The following GSTCD variants were observed in gnomAD, a reference collection of about 807,000 sequenced individuals.
The protein encoded by GSTCD is glutathione S-transferase C-terminal domain-containing protein.
A neutral mutation model predicts 68.3 loss-of-function variants in GSTCD; 44 were observed. The ratio of observed to expected loss-of-function variants is 0.64; its 90% CI spans 0.51 to 0.83. The LOEUF is 0.83. GSTCD is among the 40% of genes least tolerant of loss of function. The pLI, the probability that GSTCD is intolerant of heterozygous loss-of-function variation, is 0.00. For synonymous variants in GSTCD, 273 were observed against 255.2 expected (o/e 1.07, Z -0.67); for missense variants, 739 against 735.9 (o/e 1.00, Z -0.05).
At chr4:105,781,085 T>C (rs1389684915) in intron 5 of GSTCD, among the ~76,000 whole-genome samples, 1 of 152,206 alleles carries the variant, frequency 6.6e-6, no homozygotes. Context: ...AGTAAAATAA[T>C]GTATAAAATA....
chr4:105,837,333 G>A (rs545724983), intron 9 of GSTCD, among the ~76,000 whole-genome samples: 1 of 152,068 alleles, frequency 6.6e-6, no homozygotes, highest in African/African-American at 2.4e-5. Context: ...AAGTAGGAAC[G>A]GCCCTATGCC....
rs1175339839 is a variant in GSTCD at position 105,728,689 on chromosome 4, A to ATC, written c.1147-716_1147-715insCT. 7.0e-3 allele frequency among the ~76,000 whole-genome samples: 1,051 copies of ATC among 151,056 alleles called. 15 individuals carry two copies. The highest frequency in any genetic ancestry group is 0.023 in the African/African-American group (962 of 41,344). On this transcript the variant is annotated intron_variant, in intron 4 of 11. Coordinates refer to ENST00000515279, the MANE Select transcript of GSTCD (RefSeq NM_001370181.1). ...GATATCTAGATATAGATATATAGATATAGATATAGATATAGATATAGATAT... is the reference window on the plus strand; with the variant it reads ...GATATCTAGATATAGATATATAGATATCTAGATATAGATATAGATATAGATAT...
chr4:105,763,898 A>G (rs1316335613), intron 5 of GSTCD, among the ~76,000 whole-genome samples: 1 of 152,160 alleles, frequency 6.6e-6, no homozygotes, highest in Non-Finnish European at 1.5e-5. Flanking sequence ...TAACCCATCA[A>G]TTTGAAGGGT....
At chr4:105,751,425 C>G (rs1423244330) in intron 5 of GSTCD, among the ~76,000 whole-genome samples, 1 of 152,100 alleles carries the variant, frequency 6.6e-6, no homozygotes, top group Non-Finnish European at 1.5e-5. Context: ...GCTGCAAAGA[C>G]ATCTGAATAT....
intron 5 of GSTCD, chr4:105,760,913 G>T (rs1734381213): frequency 3.5e-6 from 1 of 286,322 alleles, no homozygotes; most frequent in Admixed American, 5.1e-5. Flanking sequence ...GTTTTCTTTT[G>T]ATATCAAAAC....
intron 3 of GSTCD, among the ~76,000 whole-genome samples, chr4:105,721,913 G>C (rs974884296): frequency 5.1e-4 from 78 of 152,148 alleles, no homozygotes; most frequent in Middle Eastern, 3.4e-3. Flanking sequence ...AGTAGATAGC[G>C]TATCAACATT....
At chr4:105,817,305 A>G (rs1056915062) in intron 5 of GSTCD, among the ~76,000 whole-genome samples, 4 of 151,898 alleles carry the variant, frequency 2.6e-5, no homozygotes, top group African/African-American at 9.7e-5. Context: ...TTATTCCTCA[A>G]TTTGGAAGTA....
At chr4:105,775,599 A>T (rs72673803) in intron 5 of GSTCD, among the ~76,000 whole-genome samples, 6 of 152,176 alleles carry the variant, frequency 3.9e-5, no homozygotes, top group African/African-American at 1.4e-4. Flanking sequence ...TCTAACACTC[A>T]GTCCCGTCTG....
At chr4:105,713,532 A>G (rs1273647699) in intron 1 of GSTCD, among the ~76,000 whole-genome samples, 2 of 152,310 alleles carry the variant, frequency 1.3e-5, no homozygotes, top group East Asian at 3.9e-4. Flanking sequence ...ATGTCTCTAA[A>G]TAAGATCTTT....
chr4:105,730,981 T>C (rs1361079266), intron 5 of GSTCD, among the ~76,000 whole-genome samples: 2 of 152,106 alleles, frequency 1.3e-5, no homozygotes, highest in African/African-American at 2.4e-5. Context: ...TTTCCCAGCA[T>C]CATTTATTAA....
At chr4:105,736,617 A>G (rs1733471904) in intron 5 of GSTCD, among the ~76,000 whole-genome samples, 1 of 152,148 alleles carries the variant, frequency 6.6e-6, no homozygotes, top group Non-Finnish European at 1.5e-5. Flanking sequence ...AACAGTCAAA[A>G]TCTGCTCTTC....
intron 4 of GSTCD, 22 bp from the exon 5 acceptor site, chr4:105,729,384 A>G: frequency 6.8e-7 from 1 of 1,466,878 alleles, no homozygotes. Flanking sequence ...TTAATTTAGA[A>G]AGAGGCTATT....
chr4:105,754,001 G>A (rs1443434849), intron 5 of GSTCD, among the ~76,000 whole-genome samples: 1 of 151,862 alleles, frequency 6.6e-6, no homozygotes, highest in African/African-American at 2.4e-5. Flanking sequence ...ATAGGAGTTG[G>A]AGGGAAAACT....
In GSTCD at chr4:105,784,307, G is replaced by A. The variant is rs768960413; in HGVS notation, c.1241-38647G>A. On this transcript the variant is annotated intron_variant, in intron 5 of 11. Transcript: ENST00000515279. ...GAGCATGGCACTAGCATCTGGTGAG[G>A]GTCATCCCATGGCAGAATGTGGAAG... is the stretch of plus-strand genomic sequence containing the variant. 4.9e-4 allele frequency among the ~76,000 whole-genome samples: 75 copies of A among 152,140 alleles called. 1 individual carries two copies. Among genetic ancestry groups the A allele is most frequent in the Middle Eastern group, 3.2e-3 (1 of 316 alleles).
rs988909620 is a variant in GSTCD at position 105,847,502 on chromosome 4, G to A, written c.*1925G>A. ...TTTAAGTATTCATTTGAGATGTTTT[G>A]ACAACTGTATATATACATGTAACCA... On this transcript the variant is annotated 3_prime_UTR_variant, in exon 12 of 12. Transcript: ENST00000515279. 6.6e-6 allele frequency: 1 copy of A among 151,916 alleles called. No individual in the cohort carries two copies. Among genetic ancestry groups the A allele is most frequent in the Non-Finnish European group, 1.5e-5 (1 of 67,972 alleles). The allele number at this position is 151,916 out of a possible 1,614,324, so 9.4% of individuals were successfully genotyped here. A position where few individuals can be genotyped will look rare whatever the true frequency, so the allele number is the denominator to read the frequency against.
At position 105,846,827 on chromosome 4, in the gene GSTCD, G is replaced by A. The variant is rs890384904; in HGVS notation, c.*1250G>A. Reference sequence around the variant, plus strand: ...CCTGCCACCATGCCCGGCTAATTTTGTTTGTAATTTTAGTAGAGATGGGGT... The same window carrying A: ...CCTGCCACCATGCCCGGCTAATTTTATTTGTAATTTTAGTAGAGATGGGGT... On this transcript the variant is annotated 3_prime_UTR_variant, in exon 12 of 12. Coordinates refer to ENST00000515279, the MANE Select transcript of GSTCD (RefSeq NM_001370181.1). 7 of 151,594 alleles carry A rather than the reference G, an allele frequency of 4.6e-5. No homozygotes were observed. The highest frequency in any genetic ancestry group is 3.3e-4 in the Admixed American group (5 of 15,220). 9.4% of individuals were successfully genotyped at this position (151,594 alleles called of 1,614,324 possible).
intron 4 of GSTCD, among the ~76,000 whole-genome samples, chr4:105,727,180 T>C (rs1733069311): frequency 1.3e-5 from 2 of 151,890 alleles, no homozygotes; most frequent in South Asian, 4.2e-4. Context: ...TTTTCTGTTG[T>C]AAAGTTTTGG....
chr4:105,726,545 A>G (rs750786251), intron 3 of GSTCD, 34 bp from the exon 4 acceptor site: 3 of 1,367,604 alleles, frequency 2.2e-6, no homozygotes, highest in Admixed American at 4.8e-5. Flanking sequence ...AACAAAATAT[A>G]TATAATAATG....
At chr4:105,731,636 AT>A (rs1011606140) in intron 5 of GSTCD, among the ~76,000 whole-genome samples, 1 of 152,196 alleles carries the variant, frequency 6.6e-6, no homozygotes, top group African/African-American at 2.4e-5. Flanking sequence ...GCCAGAGACA[AT>A]GGGGTTTTCT....
Sources: allele counts gnomAD v4.1 joint callset (sites outside exome capture counted in the v4.1 genomes callset), GRCh38; gene constraint gnomAD v4.1.1; transcripts MANE v1.5; gene names NCBI Gene and HGNC (gene_info 2026-07-23, HGNC 2026-07-21).